The following RBFOX1 variants were observed in gnomAD, a reference collection of about 807,000 sequenced individuals.
RBFOX1 encodes RNA binding protein fox-1 homolog 1.
In RBFOX1, 8 loss-of-function variants were observed where a neutral mutation model predicts 57.7. The ratio of observed to expected loss-of-function variants is 0.14; its 90% CI spans 0.08 to 0.25. RBFOX1 has a LOEUF of 0.25. Among genes scored for constraint, RBFOX1 ranks in the 10% least tolerant of loss-of-function variants. The probability of loss-of-function intolerance (pLI) is 1.00; values close to 1 mark genes in which losing one functional copy is unlikely to be tolerated. For missense variants in RBFOX1, 611 were observed against 548.5 expected, an observed-to-expected ratio of 1.11 and a Z score of -1.14; for synonymous variants, 326 against 222.4, an observed-to-expected ratio of 1.47 and a Z score of -4.15.
chr16:6,289,349 G>T (rs892054048), intron 1 of RBFOX1, among the ~76,000 whole-genome samples: 4 of 152,130 alleles, frequency 2.6e-5, no homozygotes, highest in African/African-American at 9.7e-5. Flanking sequence ...GACTGGTGAT[G>T]CAAAGTATAA....
At chr16:7,482,435 T>C (rs371470827) in intron 4 of RBFOX1, among the ~76,000 whole-genome samples, 3 of 151,458 alleles carry the variant, frequency 2.0e-5, no homozygotes, top group Admixed American at 2.0e-4. Context: ...AATTTCTCCT[T>C]ATACCTCTTC....
chr16:7,215,577 A>T (rs1057076727), intron 4 of RBFOX1, among the ~76,000 whole-genome samples: 1 of 152,172 alleles, frequency 6.6e-6, no homozygotes, highest in Non-Finnish European at 1.5e-5. Context: ...ACATTTACTG[A>T]GTTGTACAGC....
chr16:7,023,816 G>A (rs1368146207), intron 3 of RBFOX1, among the ~76,000 whole-genome samples: 2 of 151,984 alleles, frequency 1.3e-5, no homozygotes, highest in African/African-American at 4.8e-5. Context: ...GGAGTAGGCT[G>A]CCATTTTTAA....
At chr16:7,312,942 G>C (rs1267938590) in intron 4 of RBFOX1, among the ~76,000 whole-genome samples, 1 of 152,018 alleles carries the variant, frequency 6.6e-6, no homozygotes, top group Admixed American at 6.6e-5. Flanking sequence ...CTGGGTGCTT[G>C]GCACTGATGT....
intron 1 of RBFOX1, among the ~76,000 whole-genome samples, chr16:6,147,451 G>A (rs1320916343): frequency 6.6e-6 from 1 of 152,142 alleles, no homozygotes; most frequent in Admixed American, 6.5e-5. Flanking sequence ...TACTCAGCAT[G>A]CCAGAATTCT....
chr16:7,419,925 C>CTTTTTTTTTTT (rs367626244), intron 4 of RBFOX1, among the ~76,000 whole-genome samples: 11 of 101,730 alleles, frequency 1.1e-4, no homozygotes, highest in East Asian at 6.6e-4. Context: ...TTCTTTCTTC[C>CTTTTTTTTTTT]TTTTTTTTTT....
intron 4 of RBFOX1, among the ~76,000 whole-genome samples, chr16:7,229,498 G>T (rs2093350456): frequency 6.6e-6 from 1 of 150,466 alleles, no homozygotes; most frequent in Non-Finnish European, 1.5e-5. Context: ...GGGAAGGCAG[G>T]AAGGAAGGAA....
chr16:5,356,199 G>A (rs1342783831), intron 1 of RBFOX1, among the ~76,000 whole-genome samples: 2 of 152,140 alleles, frequency 1.3e-5, no homozygotes, highest in African/African-American at 4.8e-5. Context: ...GGGGTGGCAA[G>A]GATTTTTGGC....
chr16:7,494,325 C>T (rs2067887105), intron 4 of RBFOX1, among the ~76,000 whole-genome samples: 3 of 152,150 alleles, frequency 2.0e-5, no homozygotes, highest in Admixed American at 2.0e-4. Context: ...TTTGGGGAGA[C>T]CATCTCTGGC....
intron 1 of RBFOX1, among the ~76,000 whole-genome samples, chr16:5,376,341 G>T (rs962794273): frequency 2.0e-5 from 3 of 152,056 alleles, no homozygotes; most frequent in African/African-American, 4.8e-5. Context: ...ATTCCTGCAG[G>T]TGGTTGTTTG....
intron 3 of RBFOX1, among the ~76,000 whole-genome samples, chr16:5,806,718 G>A (rs1412060114): frequency 6.6e-6 from 1 of 152,204 alleles, no homozygotes; most frequent in Non-Finnish European, 1.5e-5. Flanking sequence ...AAAGACAAGA[G>A]CTGAAAGCTA....
At chr16:5,326,924 C>G (rs191143542) in intron 1 of RBFOX1, among the ~76,000 whole-genome samples, 14 of 152,284 alleles carry the variant, frequency 9.2e-5, no homozygotes, top group Admixed American at 7.2e-4. Flanking sequence ...AATATCGAGC[C>G]AGGCACTGTC....
chr16:6,814,097 C>G (rs1035364835), intron 3 of RBFOX1, among the ~76,000 whole-genome samples: 3 of 152,164 alleles, frequency 2.0e-5, no homozygotes, highest in African/African-American at 4.8e-5. Flanking sequence ...TTTGTCCCTA[C>G]TTTATTTAAT....
chr16:7,420,624 T>C (rs2098531527), intron 4 of RBFOX1, among the ~76,000 whole-genome samples: 1 of 152,022 alleles, frequency 6.6e-6, no homozygotes, highest in African/African-American at 2.4e-5. Flanking sequence ...TTTTTCCTTC[T>C]GACTTAGTGA....
At chr16:7,457,388 T>G (rs149139986) in intron 4 of RBFOX1, among the ~76,000 whole-genome samples, 2 of 152,340 alleles carry the variant, frequency 1.3e-5, no homozygotes, top group African/African-American at 4.8e-5. Flanking sequence ...TAGATTTTGT[T>G]AGTTTGTCCA....
Position 6,714,015 on chromosome 16 carries a change from A to C in RBFOX1, c.-16+59365A>C, listed in dbSNP as rs144485802. On this transcript the variant is annotated intron_variant, in intron 3 of 15. Transcript: ENST00000550418. ...CCACGTAAATCTCATCTTGAATTGT[A>C]ATACCCATGTGTGGAGGAAGAGAAG... 2.3e-4 allele frequency among the ~76,000 whole-genome samples: 35 copies of C among 152,328 alleles called. 1 individual carries two copies. The highest frequency in any genetic ancestry group is 7.9e-4 in the African/African-American group (33 of 41,574).
chr16:7,417,966 A>T (rs1026648898), intron 4 of RBFOX1, among the ~76,000 whole-genome samples: 2 of 152,030 alleles, frequency 1.3e-5, no homozygotes, highest in African/African-American at 2.4e-5. Flanking sequence ...CTATCACCCA[A>T]TCACCACAAC....
chr16:5,536,115 C>G (rs917613059), intron 2 of RBFOX1, among the ~76,000 whole-genome samples: 78 of 127,274 alleles, frequency 6.1e-4, no homozygotes, highest in African/African-American at 2.2e-3. Flanking sequence ...CCTTTTTTTT[C>G]TTTTTTATTT....
chr16:7,074,094 A>G (rs1253490919), intron 4 of RBFOX1, among the ~76,000 whole-genome samples: 2 of 152,182 alleles, frequency 1.3e-5, no homozygotes, highest in African/African-American at 4.8e-5. Context: ...CACAGAGCCT[A>G]CAATATTTGT....
Sources: allele counts gnomAD v4.1 joint callset (sites outside exome capture counted in the v4.1 genomes callset), GRCh38; gene constraint gnomAD v4.1.1; transcripts MANE v1.5; gene names NCBI Gene and HGNC (gene_info 2026-07-23, HGNC 2026-07-21).